Variants in CCL4L2 observed in about 807,000 individuals in gnomAD.
The protein encoded by CCL4L2 is C-C motif chemokine 4-like.
A neutral mutation model predicts 5.9 loss-of-function variants in CCL4L2; 3 were observed. That is an observed-to-expected ratio of 0.51 (90% confidence interval 0.23 to 1.32). CCL4L2 has a LOEUF of 1.32. Ranked by LOEUF, CCL4L2 falls within the 40% of genes most tolerant of loss-of-function variation. The pLI, the probability that CCL4L2 is intolerant of heterozygous loss-of-function variation, is 0.18. For synonymous variants in CCL4L2, 36 were observed against 47.6 expected (o/e 0.76, Z 1.00); for missense variants, 74 against 121.2 (o/e 0.61, Z 1.83).
intron 2 of CCL4L2, chr17:36,212,094 T>C: frequency 1.3e-6 from 1 of 751,308 alleles, no homozygotes; most frequent in Non-Finnish European, 2.3e-6. Flanking sequence ...AGAAGGGGGT[T>C]CCTGGGGAGG....
chr17:36,211,075 A>T lies in CCL4L2; in HGVS notation c.-67A>T. 6.5e-7 allele frequency: 1 copy of T among 1,533,746 alleles called. No homozygotes were observed. Among genetic ancestry groups the T allele is most frequent in the Non-Finnish European group, 9.0e-7 (1 of 1,112,954 alleles). On this transcript the variant is annotated 5_prime_UTR_variant, in exon 1 of 3. Transcript: ENST00000617405. Reference sequence around the variant, plus strand: ...CCAACTCAGTATCAGCACAGGACACAGCTAGGTTCTGAAGCTTCTGAGTTC... The same window carrying T: ...CCAACTCAGTATCAGCACAGGACACTGCTAGGTTCTGAAGCTTCTGAGTTC...
intron 2 of CCL4L2, 114 bp downstream of exon 2, chr17:36,212,004 A>T (rs2068789978): frequency 8.1e-7 from 1 of 1,241,480 alleles, no homozygotes; most frequent in East Asian, 2.3e-5. Flanking sequence ...TCAGGGCTGA[A>T]GCCTTCCCTG....
chr17:36,212,266 A>T, intron 2 of CCL4L2: 1 of 770,204 alleles, frequency 1.3e-6, no homozygotes, highest in Non-Finnish European at 2.3e-6. Flanking sequence ...ACTGGTTCCT[A>T]ATCTGGGCAA....
rs2068764993 is a variant in CCL4L2, at chr17:36,211,078, T to C, written c.-64T>C. 1 of 1,538,710 alleles carries C rather than the reference T, an allele frequency of 6.5e-7. No individual in the cohort carries two copies. The highest frequency in any genetic ancestry group is 8.9e-7 in the Non-Finnish European group (1 of 1,117,558). ...ACTCAGTATCAGCACAGGACACAGC[T>C]AGGTTCTGAAGCTTCTGAGTTCTGC... On this transcript the variant is annotated 5_prime_UTR_variant, in exon 1 of 3. Coordinates refer to ENST00000617405, the MANE Select transcript of CCL4L2 (RefSeq NM_001291475.2).
In CCL4L2 at chr17:36,212,637, C is replaced by G; in HGVS notation, c.*214C>G. 6.6e-7 allele frequency: 1 copy of G among 1,509,124 alleles called. No homozygotes were observed. Among genetic ancestry groups the G allele is most frequent in the Non-Finnish European group, 9.2e-7 (1 of 1,089,536 alleles). The allele number at this position is 1,509,124 out of a possible 1,614,324, so 93.5% of individuals were successfully genotyped here. Reference sequence around the variant, plus strand: ...CTGGATGCTTCTCCATGAGCCGCATCTCCTCCATACTCAGGACTCCTCTCC... The same window carrying G: ...CTGGATGCTTCTCCATGAGCCGCATGTCCTCCATACTCAGGACTCCTCTCC... On this transcript the variant is annotated 3_prime_UTR_variant, in exon 3 of 3. Transcript: ENST00000617405.
chr17:36,212,295 A>T lies in CCL4L2; in HGVS notation c.192-8A>T. 1.1e-6 allele frequency: 1 copy of T among 871,366 alleles called. No homozygotes were observed. Among genetic ancestry groups the T allele is most frequent in the African/African-American group, 1.5e-5 (1 of 67,454 alleles). 54.0% of individuals were successfully genotyped at this position (871,366 alleles called of 1,614,324 possible). A position where few individuals can be genotyped will look rare whatever the true frequency, so the allele number is the denominator to read the frequency against. On this transcript the variant is annotated splice_polypyrimidine_tract_variant and splice_region_variant and intron_variant, in intron 2 of 2. Coordinates refer to ENST00000617405, the MANE Select transcript of CCL4L2 (RefSeq NM_001291475.2). ...TGGGCAACCCCTGGGGCCCACAGCT[A>T]AATCCAGTGAGTGGAAGTTACAGGG...
chr17:36,211,846 A>T lies in CCL4L2; in HGVS notation c.147A>T (p.Val49=). ...GGAAGCTTCCTCGCAACTTTGTGGT[A>T]GATTACTATGAGACCAGCAGCCTCT... is the stretch of plus-strand genomic sequence containing the variant. The change falls in exon 2 of 3, where the codon GTA becomes GTT. Residue 49 remains valine, a synonymous_variant. Coordinates refer to ENST00000617405, the MANE Select transcript of CCL4L2 (RefSeq NM_001291475.2). 6.3e-7 allele frequency: 1 copy of T among 1,579,596 alleles called. No homozygotes were observed. Among genetic ancestry groups the T allele is most frequent in the Non-Finnish European group, 8.7e-7 (1 of 1,155,590 alleles).
chr17:36,212,216 C>T lies in CCL4L2; in HGVS notation c.192-87C>T, dbSNP rs2068796490. On this transcript the variant is annotated intron_variant, in intron 2 of 2. Coordinates refer to ENST00000617405, the MANE Select transcript of CCL4L2 (RefSeq NM_001291475.2). ...TGTGGAAAAGTCACTACCAGGCTGGCAGGGAATGGGGCAATCTATTCATAC... is the reference window on the plus strand; with the variant it reads ...TGTGGAAAAGTCACTACCAGGCTGGTAGGGAATGGGGCAATCTATTCATAC... 2.8e-5 allele frequency: 20 copies of T among 712,128 alleles called. 2 individuals carry two copies. The South Asian group carries it at 3.0e-4, about 11-fold the overall frequency. The allele number at this position is 712,128 out of a possible 1,614,324, so 44.1% of individuals were successfully genotyped here.
At position 36,212,816 on chromosome 17, in the gene CCL4L2, T is replaced by C; in HGVS notation, c.*393T>C. 2 of 566,694 alleles carry C rather than the reference T, an allele frequency of 3.5e-6. 1 individual carries two copies. The highest frequency in any genetic ancestry group is 6.5e-6 in the Non-Finnish European group (2 of 309,664). 35.1% of individuals were successfully genotyped at this position (566,694 alleles called of 1,614,324 possible). On this transcript the variant is annotated 3_prime_UTR_variant, in exon 3 of 3. Coordinates refer to ENST00000617405, the MANE Select transcript of CCL4L2 (RefSeq NM_001291475.2). ...CTCTTTCTCTGCTGTTGCAAATACA[T>C]GGATAACACCGTTAATTCCATGTGT...
In CCL4L2 at chr17:36,212,395, G is replaced by A. The variant is rs759995943; in HGVS notation, c.284G>A (p.Arg95Lys). 2.0e-6 allele frequency: 3 copies of A among 1,487,572 alleles called. No individual in the cohort carries two copies. Among genetic ancestry groups the A allele is most frequent in the Non-Finnish European group, 2.8e-6 (3 of 1,069,244 alleles). The allele number at this position is 1,487,572 out of a possible 1,614,324, so 92.1% of individuals were successfully genotyped here. A position where few individuals can be genotyped will look rare whatever the true frequency, so the allele number is the denominator to read the frequency against. Residue 95 changes from arginine to lysine, a missense_variant, in exon 3 of 3, where the codon AGG becomes AAG. By Grantham distance (26) the Arg-to-Lys change is conservative (BLOSUM62 2). Coordinates refer to ENST00000617405, the MANE Select transcript of CCL4L2 (RefSeq NM_001291475.2). ...CCCACATGGACCATGGTCAGGCAGA[G>A]GAAGATGCCTACCACAGGCAAGGGA...
rs2068766023 is a variant in CCL4L2, at chr17:36,211,121, A to C, written c.-21A>C. ...AGTTCTGCAGCCTCACCTCTGAGAA[A>C]ACCTCTTTGCCACCAATACCATGAA... is the stretch of plus-strand genomic sequence containing the variant. On this transcript the variant is annotated 5_prime_UTR_variant, in exon 1 of 3. Coordinates refer to ENST00000617405, the MANE Select transcript of CCL4L2 (RefSeq NM_001291475.2). 1.1e-5 allele frequency: 17 copies of C among 1,579,366 alleles called. No homozygotes were observed. The highest frequency in any genetic ancestry group is 1.3e-5 in the African/African-American group (1 of 74,840).
At position 36,212,136 on chromosome 17, in the gene CCL4L2, G is replaced by A. The variant is rs2068793885; in HGVS notation, c.192-167G>A. The A allele has an allele frequency of 2.9e-6, 2 of 700,586 alleles. 1 individual carries two copies. The highest frequency in any genetic ancestry group is 3.1e-5 in the South Asian group (2 of 64,854). 43.4% of individuals were successfully genotyped at this position (700,586 alleles called of 1,614,324 possible). Reference sequence around the variant, plus strand: ...TTCAGAGGACAGGGAAGCAGGGGAAGGCAGACAGGTCCCGTGAGATATGGA... The same window carrying A: ...TTCAGAGGACAGGGAAGCAGGGGAAAGCAGACAGGTCCCGTGAGATATGGA... On this transcript the variant is annotated intron_variant, in intron 2 of 2. Transcript: ENST00000617405.
chr17:36,211,257 T>C lies in CCL4L2; in HGVS notation c.76+40T>C. ...GCAGCTGCTATTTCGAGTCAAGGTG[T>C]AGGCAGAGTCCTTTTTTCTAGTCAT... is the stretch of plus-strand genomic sequence containing the variant. On this transcript the variant is annotated intron_variant, in intron 1 of 2. Coordinates refer to ENST00000617405, the MANE Select transcript of CCL4L2 (RefSeq NM_001291475.2). 6 of 1,571,792 alleles carry C rather than the reference T, an allele frequency of 3.8e-6. 1 individual carries two copies. The highest frequency in any genetic ancestry group is 5.2e-6 in the Non-Finnish European group (6 of 1,147,828).
chr17:36,212,486 C>T lies in CCL4L2; in HGVS notation c.*63C>T. The T allele has an allele frequency of 6.3e-7, 1 of 1,581,322 alleles. No individual in the cohort carries two copies. The highest frequency in any genetic ancestry group is 1.1e-5 in the South Asian group (1 of 89,110). On this transcript the variant is annotated 3_prime_UTR_variant, in exon 3 of 3. Coordinates refer to ENST00000617405, the MANE Select transcript of CCL4L2 (RefSeq NM_001291475.2). ...TGTCTGCTCCTTGTTCTACGGATTC[C>T]AAACCAAAAGAGGCAAGCAAGTCTG... is the stretch of plus-strand genomic sequence containing the variant.
At chr17:36,211,302 C>G in intron 1 of CCL4L2, 85 bp downstream of exon 1, 2 of 1,475,224 alleles carry the variant, frequency 1.4e-6, no homozygotes, top group Non-Finnish European at 1.9e-6. Flanking sequence ...ACAGTGGGAT[C>G]TGGGGATGGG....
Position 36,212,829 on chromosome 17 carries a change from T to C in CCL4L2, c.*406T>C. ...GTTGCAAATACATGGATAACACCGTTAATTCCATGTGTTTTCATAATAAAA... is the reference window on the plus strand; with the variant it reads ...GTTGCAAATACATGGATAACACCGTCAATTCCATGTGTTTTCATAATAAAA... On this transcript the variant is annotated 3_prime_UTR_variant, in exon 3 of 3. Coordinates refer to ENST00000617405, the MANE Select transcript of CCL4L2 (RefSeq NM_001291475.2). The C allele has an allele frequency of 1.9e-6, 1 of 540,276 alleles. No individual in the cohort carries two copies. The highest frequency in any genetic ancestry group is 2.3e-5 in the South Asian group (1 of 42,822). 33.5% of individuals were successfully genotyped at this position (540,276 alleles called of 1,614,324 possible). A position where few individuals can be genotyped will look rare whatever the true frequency, so the allele number is the denominator to read the frequency against.
In CCL4L2 at chr17:36,212,662, C is replaced by T. The variant is rs1473063764; in HGVS notation, c.*239C>T. The T allele has an allele frequency of 2.9e-5, 40 of 1,369,866 alleles. 4 individuals are homozygous for T. Among genetic ancestry groups the T allele is most frequent in the East Asian group, 1.4e-4 (6 of 44,244 alleles). 84.9% of individuals were successfully genotyped at this position (1,369,866 alleles called of 1,614,324 possible). ...CTCCTCCATACTCAGGACTCCTCTC[C>T]GCAGTTCCTGTCTCTTCTCTTAATG... On this transcript the variant is annotated 3_prime_UTR_variant, in exon 3 of 3. Transcript: ENST00000617405.
rs1198340341 is a variant in CCL4L2, at chr17:36,212,862, A to T, written c.*439A>T. The T allele has an allele frequency of 6.2e-5, 30 of 487,494 alleles. 1 individual carries two copies. In the Admixed American group the frequency reaches 7.7e-4, roughly 12 times the overall value. The allele number at this position is 487,494 out of a possible 1,614,324, so 30.2% of individuals were successfully genotyped here. On this transcript the variant is annotated 3_prime_UTR_variant, in exon 3 of 3. Transcript: ENST00000617405. ...TGTGTTTTCATAATAAAACTTTAAAATAAAATGCAAACAGTTTCTTTGTGA... is the reference window on the plus strand; with the variant it reads ...TGTGTTTTCATAATAAAACTTTAAATTAAAATGCAAACAGTTTCTTTGTGA...
rs559454197 is a variant in CCL4L2 at position 36,212,434 on chromosome 17, C to T, written c.*11C>T. ...ACAGGCAAGGGATAAAGCCAGATGA[C>T]CTCAAAGGTCCCATGGGATTCTAAT... is the stretch of plus-strand genomic sequence containing the variant. On this transcript the variant is annotated 3_prime_UTR_variant, in exon 3 of 3. Transcript: ENST00000617405. 6.4e-7 allele frequency: 1 copy of T among 1,572,598 alleles called. No individual in the cohort carries two copies. The highest frequency in any genetic ancestry group is 8.7e-7 in the Non-Finnish European group (1 of 1,148,378).
Sources: allele counts gnomAD v4.1 joint callset, GRCh38; gene constraint gnomAD v4.1.1; transcripts MANE v1.5; gene names NCBI Gene and HGNC (gene_info 2026-07-23, HGNC 2026-07-21).